The following MEGF6 variants were observed in gnomAD, a reference collection of about 807,000 sequenced individuals.
MEGF6 encodes multiple epidermal growth factor-like domains protein 6.
In MEGF6, 184 loss-of-function variants were observed where a neutral mutation model predicts 207.1. The observed-to-expected ratio is 0.89, with a 90% confidence interval of 0.79 to 1.00. The LOEUF is 1.00. Ranked by LOEUF, MEGF6 falls within the 50% of genes least tolerant of loss-of-function variation. The probability of loss-of-function intolerance (pLI) is 0.00; values close to 1 mark genes in which losing one functional copy is unlikely to be tolerated. For synonymous variants in MEGF6, 1,038 were observed against 910.0 expected (o/e 1.14, Z -2.53); for missense variants, 2,282 against 2,202.9 (o/e 1.04, Z -0.72).
chr1:3,558,146 T>C (rs1643090300), intron 4 of MEGF6, among the ~76,000 whole-genome samples: 1 of 152,038 alleles, frequency 6.6e-6, no homozygotes, highest in Admixed American at 6.6e-5. Flanking sequence ...ATCACCCAGC[T>C]CTCCTGGTCC....
intron 2 of MEGF6, among the ~76,000 whole-genome samples, chr1:3,596,749 G>A (rs1173655387): frequency 1.3e-5 from 2 of 151,496 alleles, no homozygotes; most frequent in Non-Finnish European, 2.9e-5. Flanking sequence ...GCTCCTACAG[G>A]CATCACCAGC....
chr1:3,496,412 C>T (rs1048323500), intron 29 of MEGF6, among the ~76,000 whole-genome samples: 9 of 152,258 alleles, frequency 5.9e-5, no homozygotes, highest in African/African-American at 7.2e-5. Flanking sequence ...CGCAGGTCGC[C>T]GGGCACAGCA....
At chr1:3,549,191 C>T (rs935898854) in intron 4 of MEGF6, among the ~76,000 whole-genome samples, 4 of 152,144 alleles carry the variant, frequency 2.6e-5, no homozygotes, top group Admixed American at 2.0e-4. Context: ...CGTGCTCAGC[C>T]CAGAACAAGC....
chr1:3,607,641 G>A (rs1644270150), intron 1 of MEGF6, among the ~76,000 whole-genome samples: 1 of 152,226 alleles, frequency 6.6e-6, no homozygotes. Flanking sequence ...TGCTGCACAT[G>A]GGTCTGAGGA....
chr1:3,536,012 T>C (rs996177233), intron 4 of MEGF6, among the ~76,000 whole-genome samples: 2 of 152,174 alleles, frequency 1.3e-5, no homozygotes, highest in African/African-American at 4.8e-5. Context: ...CCCTGGGGCC[T>C]GGACAAAGAG....
Position 3,498,782 on chromosome 1 carries a change from G to C in MEGF6, c.3139C>G (p.Leu1047Val). 1 of 1,556,842 alleles carries C rather than the reference G, an allele frequency of 6.4e-7. No homozygotes were observed. Among genetic ancestry groups the C allele is most frequent in the Non-Finnish European group, 8.7e-7 (1 of 1,150,894 alleles). The part of the protein sequence containing the change: ...LYGDNCRHSC[L>V]CQNGGTCDPV... ...TCACAGGTCCCTCCGTTCTGGCAGA[G>C]GCAGGAATGCCGACAGTTGTCGCCG... is the stretch of plus-strand genomic sequence containing the variant. Residue 1047 changes from leucine (L) to valine (V), a missense_variant, in exon 25 of 37, where the codon CTC becomes GTC. Coordinates refer to ENST00000356575, the MANE Select transcript of MEGF6 (RefSeq NM_001409.4).
chr1:3,538,879 C>T (rs115680056), intron 4 of MEGF6, among the ~76,000 whole-genome samples: 3 of 152,174 alleles, frequency 2.0e-5, no homozygotes, highest in African/African-American at 4.8e-5. Flanking sequence ...CAGCCCCACG[C>T]CCCGGGGCCC....
Position 3,490,365 on chromosome 1 carries a change from C to T in MEGF6, c.*163G>A, listed in dbSNP as rs1266131570. 7 of 754,598 alleles carry T rather than the reference C, an allele frequency of 9.3e-6. No homozygotes were observed. Among genetic ancestry groups the T allele is most frequent in the Middle Eastern group, 2.3e-4 (1 of 4,304 alleles). The allele number at this position is 754,598 out of a possible 1,614,324, so 46.7% of individuals were successfully genotyped here. A position where few individuals can be genotyped will look rare whatever the true frequency, so the allele number is the denominator to read the frequency against. Reference sequence around the variant, plus strand: ...CCCTCCTCAAGGCCACACCAGCCTCCAAGAGCGACAGGTTGCTGGGCTGTC... The same window carrying T: ...CCCTCCTCAAGGCCACACCAGCCTCTAAGAGCGACAGGTTGCTGGGCTGTC... On this transcript the variant is annotated 3_prime_UTR_variant, in exon 37 of 37. Transcript: ENST00000356575.
intron 17 of MEGF6, among the ~76,000 whole-genome samples, chr1:3,504,864 G>A (rs373228539): frequency 7.2e-5 from 11 of 152,152 alleles, no homozygotes; most frequent in African/African-American, 1.7e-4. Flanking sequence ...CTGCTGCCCC[G>A]GCCTCTGAGA....
chr1:3,551,587 G>A (rs1343029880), intron 4 of MEGF6, among the ~76,000 whole-genome samples: 1 of 152,114 alleles, frequency 6.6e-6, no homozygotes, highest in East Asian at 1.9e-4. Context: ...CCAGGATGCG[G>A]TCCAGCTCCC....
chr1:3,508,984 C>T, intron 12 of MEGF6, 91 bp downstream of exon 12: 1 of 1,381,692 alleles, frequency 7.2e-7, no homozygotes, highest in Non-Finnish European at 9.6e-7. Context: ...CCTCACGTCC[C>T]CAGCCTCTGA....
the MEGF6 span, among the ~76,000 whole-genome samples, chr1:3,620,739 G>A: frequency 1.3e-5 from 2 of 152,234 alleles, no homozygotes; most frequent in East Asian, 3.8e-4. Context: ...GAAAGAGATA[G>A]AAGAAAAGAC....
chr1:3,511,580 C>T lies in MEGF6; in HGVS notation c.1084G>A (p.Glu362Lys), dbSNP rs201703264. The part of the protein sequence containing the change: ...GPLCTCPRGY[E>K]LDTDQRTCID... ...CAGGTCCTCTGATCTGTGTCCAGCTCGTAGCCGCGGGGACATGTGCACAGG... is the reference window on the plus strand; with the variant it reads ...CAGGTCCTCTGATCTGTGTCCAGCTTGTAGCCGCGGGGACATGTGCACAGG... Residue 362 changes from glutamate (E) to lysine (K), a missense_variant, in exon 9 of 37, where the codon GAG becomes AAG. Physicochemically the swap from Glu to Lys is moderately conservative, Grantham distance 56. Coordinates refer to ENST00000356575, the MANE Select transcript of MEGF6 (RefSeq NM_001409.4). The T allele has an allele frequency of 7.9e-4, 1,270 of 1,611,794 alleles. 2 individuals are homozygous for T. The highest frequency in any genetic ancestry group is 1.0e-3 in the Non-Finnish European group (1,201 of 1,179,100).
Position 3,495,956 on chromosome 1 carries a change from C to A in MEGF6, c.3805G>T (p.Ala1269Ser). 1 of 1,585,828 alleles carries A rather than the reference C, an allele frequency of 6.3e-7. No homozygotes were observed. Among genetic ancestry groups the A allele is most frequent in the South Asian group, 1.1e-5 (1 of 88,718 alleles). ...THVCGCGQGA[A>S]CDPVTGTCLC... ...CAGGTGCCGGTCACAGGGTCGCAGG[C>A]CGCCCCCTGCCCACACCCACACACG... Residue 1269 changes from alanine to serine, a missense_variant, in exon 30 of 37, where the codon GCC (alanine) becomes TCC (serine). Physicochemically the swap from Ala to Ser is moderately conservative, Grantham distance 99. Coordinates refer to ENST00000356575, the MANE Select transcript of MEGF6 (RefSeq NM_001409.4).
At chr1:3,569,907 A>G (rs883106) in intron 4 of MEGF6, among the ~76,000 whole-genome samples, 8,637 of 152,220 alleles carry the variant, frequency 0.057, 367 homozygotes, top group African/African-American at 0.12. Flanking sequence ...AGGCCACACA[A>G]CCCCACTGTG....
At position 3,506,142 on chromosome 1, in the gene MEGF6, G is replaced by A. The variant is rs200250415; in HGVS notation, c.1884C>T (p.Cys628=). Residue 628 remains cysteine (C), a synonymous_variant, in exon 15 of 37, where the codon TGC becomes TGT. Coordinates refer to ENST00000356575, the MANE Select transcript of MEGF6 (RefSeq NM_001409.4). ...RCHRLYGACL[C]DPGLYGRFCH... is the part of the protein sequence containing the mutation. ...AGAAGCGGCCGTAGAGCCCTGGGTC[G>A]CAGAGGCAGGCCCCGTAGAGGCGGT... The A allele has an allele frequency of 9.0e-4, 1,445 of 1,597,766 alleles. No homozygotes were observed. Among genetic ancestry groups the A allele is most frequent in the Admixed American group, 1.5e-3 (84 of 57,850 alleles).
At chr1:3,539,204 G>T (rs1370582951) in intron 4 of MEGF6, among the ~76,000 whole-genome samples, 6 of 152,222 alleles carry the variant, frequency 3.9e-5, no homozygotes, top group Admixed American at 1.3e-4. Flanking sequence ...GGTCTAAGGT[G>T]CAGTGTCACT....
intron 4 of MEGF6, among the ~76,000 whole-genome samples, chr1:3,540,266 C>T (rs554453270): frequency 7.9e-5 from 12 of 152,340 alleles, no homozygotes; most frequent in African/African-American, 2.4e-4. Context: ...TCACTCGCAG[C>T]GCCTCGGACG....
At chr1:3,506,286 CAT>C (rs773227340) in intron 14 of MEGF6, 50 bp from the exon 15 acceptor site, 2 of 1,589,862 alleles carry the variant, frequency 1.3e-6, no homozygotes, top group Non-Finnish European at 8.6e-7. Flanking sequence ...CAGCCTACCA[CAT>C]GTGGTCCCCC....
Sources: gnomAD v4.1 joint callset for allele counts (sites outside exome capture counted in the v4.1 genomes callset) on GRCh38, gnomAD v4.1.1 for gene constraint, MANE v1.5 for transcripts, NCBI Gene and HGNC (gene_info 2026-07-23, HGNC 2026-07-21) for gene names.